Variants in GULP1 observed in about 807,000 individuals in gnomAD.
GULP1 encodes PTB domain-containing engulfment adapter protein 1.
GULP1 carries 19 observed loss-of-function variants against 40.9 expected under a neutral mutation model. The observed-to-expected ratio is 0.46, with a 90% confidence interval of 0.32 to 0.68. GULP1 has a LOEUF of 0.68. Among genes scored for constraint, GULP1 ranks in the 30% least tolerant of loss-of-function variants. The probability of loss-of-function intolerance (pLI) is 0.03; values close to 1 mark genes in which losing one functional copy is unlikely to be tolerated. For missense variants in GULP1, 312 were observed against 362.2 expected, an observed-to-expected ratio of 0.86 and a Z score of 1.12; for synonymous variants, 119 against 117.6, an observed-to-expected ratio of 1.01 and a Z score of -0.08.
At chr2:188,579,749 T>C (rs943677381) in intron 9 of GULP1, among the ~76,000 whole-genome samples, 5 of 152,194 alleles carry the variant, frequency 3.3e-5, no homozygotes, top group African/African-American at 7.2e-5. Flanking sequence ...TTTTATATTA[T>C]ATACATTCTC....
intron 1 of GULP1, among the ~76,000 whole-genome samples, chr2:188,342,503 A>C (rs1174335739): frequency 1.3e-5 from 2 of 152,122 alleles, no homozygotes; most frequent in Admixed American, 6.5e-5. Flanking sequence ...CAAAGAGACT[A>C]TTTCCAGATA....
intron 4 of GULP1, among the ~76,000 whole-genome samples, chr2:188,507,152 G>A (rs1354565495): frequency 6.6e-6 from 1 of 151,834 alleles, no homozygotes; most frequent in Non-Finnish European, 1.5e-5. Context: ...AGCTCCAATG[G>A]GATGTCATCA....
At chr2:188,400,500 C>A (rs555602958) in intron 2 of GULP1, among the ~76,000 whole-genome samples, 1 of 151,896 alleles carries the variant, frequency 6.6e-6, no homozygotes, top group Non-Finnish European at 1.5e-5. Flanking sequence ...ATGATGGTGA[C>A]GAGGCTAGTG....
intron 2 of GULP1, among the ~76,000 whole-genome samples, chr2:188,416,583 G>A (rs2054612773): frequency 6.6e-6 from 1 of 152,088 alleles, no homozygotes; most frequent in Non-Finnish European, 1.5e-5. Context: ...CCAATTTTGT[G>A]CTTTTTAGTC....
chr2:188,307,521 A>G (rs777287672), intron 1 of GULP1, among the ~76,000 whole-genome samples: 27 of 152,120 alleles, frequency 1.8e-4, no homozygotes, highest in Non-Finnish European at 3.5e-4. Flanking sequence ...GAAAGCCTCA[A>G]TCCTAAAATT....
chr2:188,359,213 ATTAAT>A (rs1333787683), intron 1 of GULP1, among the ~76,000 whole-genome samples: 1 of 152,076 alleles, frequency 6.6e-6, no homozygotes, highest in African/African-American at 2.4e-5. Flanking sequence ...ATTTTTTAAC[ATTAAT>A]TTATTCTTTC....
At chr2:188,485,087 C>G (rs894547604) in intron 4 of GULP1, among the ~76,000 whole-genome samples, 7 of 152,022 alleles carry the variant, frequency 4.6e-5, no homozygotes, top group Admixed American at 3.9e-4. Context: ...AAAATGCATG[C>G]TCAATTTTTT....
At chr2:188,343,740 A>AAG (rs2043264664) in intron 1 of GULP1, among the ~76,000 whole-genome samples, 1 of 152,192 alleles carries the variant, frequency 6.6e-6, no homozygotes, top group Non-Finnish European at 1.5e-5. Flanking sequence ...AGGGACACCT[A>AAG]TACTGTGATC....
At chr2:188,416,742 A>T (rs899915214) in intron 2 of GULP1, among the ~76,000 whole-genome samples, 1 of 152,224 alleles carries the variant, frequency 6.6e-6, no homozygotes, top group African/African-American at 2.4e-5. Context: ...CTTTATGAAG[A>T]TAAGCAACAG....
At chr2:188,455,619 A>G (rs891315736) in intron 2 of GULP1, among the ~76,000 whole-genome samples, 1 of 152,170 alleles carries the variant, frequency 6.6e-6, no homozygotes, top group Non-Finnish European at 1.5e-5. Context: ...TAAATTGCCC[A>G]ATTTCAGGTT....
chr2:188,479,479 C>A (rs950689307), intron 3 of GULP1, among the ~76,000 whole-genome samples: 1 of 152,012 alleles, frequency 6.6e-6, no homozygotes. Flanking sequence ...GATCTTGCTA[C>A]GTTGCCAGGG....
At chr2:188,579,586 G>A (rs1472099291) in intron 9 of GULP1, among the ~76,000 whole-genome samples, 1 of 152,022 alleles carries the variant, frequency 6.6e-6, no homozygotes, top group Non-Finnish European at 1.5e-5. Flanking sequence ...AACAAAAACT[G>A]CCAAATTGCT....
intron 3 of GULP1, among the ~76,000 whole-genome samples, chr2:188,480,870 T>C (rs2061397531): frequency 6.6e-6 from 1 of 151,900 alleles, no homozygotes. Context: ...CACTTAAAAT[T>C]TAATATTTAA....
intron 4 of GULP1, among the ~76,000 whole-genome samples, chr2:188,511,184 ATTC>A (rs1380115202): frequency 1.3e-5 from 2 of 152,164 alleles, no homozygotes; most frequent in Non-Finnish European, 2.9e-5. Context: ...TACATGGAAT[ATTC>A]TTTTGACTGC....
At chr2:188,472,382 G>T (rs2060661133) in intron 2 of GULP1, among the ~76,000 whole-genome samples, 1 of 151,928 alleles carries the variant, frequency 6.6e-6, no homozygotes, top group African/African-American at 2.4e-5. Flanking sequence ...CTCTTTCTCT[G>T]TTCCCTCTTT....
rs1039534854 is a variant in GULP1, at chr2:188,348,890, A to G, written c.-171-34873A>G. The stretch of plus-strand genomic sequence containing the variant: ...AAATGATCTAAAGCAATAGTTGCCT[A>G]AGTATGAACCGATTTTGCAAACATT... On this transcript the variant is annotated intron_variant, in intron 1 of 11. Coordinates refer to ENST00000409830, the MANE Select transcript of GULP1 (RefSeq NM_016315.4). Among the ~76,000 whole-genome samples, 42 of 152,336 alleles carry G rather than the reference A, an allele frequency of 2.8e-4. No individual in the cohort carries two copies. The East Asian group carries it at 7.3e-3, about 27-fold the overall frequency.
intron 2 of GULP1, among the ~76,000 whole-genome samples, chr2:188,441,014 T>G (rs72911448): frequency 0.012 from 1,851 of 152,256 alleles, 15 homozygotes; most frequent in East Asian, 0.022. Flanking sequence ...TATCCTAGTT[T>G]GGTTTGCATA....
intron 1 of GULP1, among the ~76,000 whole-genome samples, chr2:188,338,737 A>G (rs1054844776): frequency 3.3e-5 from 5 of 152,224 alleles, no homozygotes; most frequent in African/African-American, 1.2e-4. Context: ...TAGCTGTACA[A>G]GAGTAAGGTG....
At chr2:188,570,694 A>G (rs951271416) in intron 9 of GULP1, among the ~76,000 whole-genome samples, 3 of 152,174 alleles carry the variant, frequency 2.0e-5, no homozygotes, top group Non-Finnish European at 4.4e-5. Flanking sequence ...ACCATGTATG[A>G]TATCATTATT....
Sources: gnomAD v4.1 joint callset for allele counts (sites outside exome capture counted in the v4.1 genomes callset) on GRCh38, gnomAD v4.1.1 for gene constraint, MANE v1.5 for transcripts, NCBI Gene and HGNC (gene_info 2026-07-23, HGNC 2026-07-21) for gene names.